The following IHO1 variants were observed in gnomAD, a reference collection of about 807,000 sequenced individuals.
The protein encoded by IHO1 is interactor of HORMAD1 1, also known as interactor of HORMAD1 protein 1.
Under a neutral mutation model 31.0 loss-of-function variants are expected in IHO1, and 13 were observed. That is an observed-to-expected ratio of 0.42 (90% CI 0.27 to 0.67). The LOEUF is 0.67. Among genes scored for constraint, IHO1 ranks in the 30% least tolerant of loss-of-function variants. The pLI is 0.24. For synonymous variants in IHO1, 221 were observed against 248.4 expected (o/e 0.89, Z 1.04); for missense variants, 599 against 687.5 (o/e 0.87, Z 1.44).
intron 2 of IHO1, among the ~76,000 whole-genome samples, chr3:49,227,266 G>C (rs1192466022): frequency 4.6e-5 from 7 of 152,138 alleles, no homozygotes; most frequent in African/African-American, 1.4e-4. Context: ...AGGCCATAGT[G>C]CAGAAAAAAA....
At chr3:49,240,516 A>G (rs1056244914) in intron 3 of IHO1, among the ~76,000 whole-genome samples, 1 of 151,876 alleles carries the variant, frequency 6.6e-6, no homozygotes, top group African/African-American at 2.4e-5. Context: ...GAGCCACCAC[A>G]CCCGACCAAT....
intron 4 of IHO1, among the ~76,000 whole-genome samples, chr3:49,241,896 T>C (rs932932883): frequency 6.6e-6 from 1 of 151,266 alleles, no homozygotes; most frequent in Admixed American, 6.6e-5. Context: ...GCTGGAATTA[T>C]AGGCGTGAGC....
intron 4 of IHO1, among the ~76,000 whole-genome samples, chr3:49,242,319 T>G (rs1216335199): frequency 6.6e-6 from 1 of 151,324 alleles, no homozygotes; most frequent in African/African-American, 2.4e-5. Flanking sequence ...TCAGAGATAG[T>G]GTCTCACTAT....
chr3:49,247,272 C>CAGGCTGGA (rs2046706510), intron 6 of IHO1, among the ~76,000 whole-genome samples: 1 of 151,880 alleles, frequency 6.6e-6, no homozygotes, highest in East Asian at 1.9e-4. Context: ...CTCTGTCACC[C>CAGGCTGGA]AGGCTGGAGT....
intron 6 of IHO1, among the ~76,000 whole-genome samples, chr3:49,254,430 A>G (rs1276241200): frequency 6.6e-6 from 1 of 152,136 alleles, no homozygotes; most frequent in Non-Finnish European, 1.5e-5. Flanking sequence ...AGGGCAATAA[A>G]TGATGGTAGG....
intron 2 of IHO1, among the ~76,000 whole-genome samples, chr3:49,232,458 G>T (rs1423215744): frequency 6.6e-6 from 1 of 152,192 alleles, no homozygotes; most frequent in Non-Finnish European, 1.5e-5. Flanking sequence ...CAAAAAGTTG[G>T]TAAATAGGTA....
intron 2 of IHO1, among the ~76,000 whole-genome samples, chr3:49,233,048 T>C (rs753265212): frequency 2.6e-5 from 4 of 152,160 alleles, no homozygotes; most frequent in Admixed American, 6.5e-5. Flanking sequence ...TTTGGGAAGA[T>C]TGCATTGCAG....
chr3:49,211,149 A>G lies in IHO1; in HGVS notation c.-15-617A>G, dbSNP rs567779568. ...CGGCCTCCTGAGTAGGTGGGACTAC[A>G]GGCACCCACCACCACGCCTGGCTAA... On this transcript the variant is annotated intron_variant, in intron 1 of 7. Coordinates refer to ENST00000452691, the MANE Select transcript of IHO1 (RefSeq NM_001135197.2). Among the ~76,000 whole-genome samples the G allele has an allele frequency of 9.3e-5, 14 of 151,128 alleles. No homozygotes were observed. In the East Asian group the frequency reaches 2.8e-3, roughly 30 times the overall value.
At chr3:49,217,737 T>G (rs1352151808) in intron 2 of IHO1, among the ~76,000 whole-genome samples, 1 of 152,132 alleles carries the variant, frequency 6.6e-6, no homozygotes, top group Non-Finnish European at 1.5e-5. Context: ...CGGTCCCATT[T>G]GTGGGTGATG....
intron 1 of IHO1, among the ~76,000 whole-genome samples, chr3:49,203,100 C>A (rs1464489155): frequency 6.6e-6 from 1 of 152,152 alleles, no homozygotes; most frequent in Non-Finnish European, 1.5e-5. Context: ...CTCCAGAGCT[C>A]AGACAATCCT....
At chr3:49,196,051 CG>C (rs1385407141), upstream of IHO1, among the ~76,000 whole-genome samples, 1 of 150,908 alleles carries the variant, frequency 6.6e-6, no homozygotes, top group Non-Finnish European at 1.5e-5. Context: ...CTGGCTAACA[CG>C]GTAAAACCTC....
chr3:49,205,564 G>T (rs998160242), intron 1 of IHO1, among the ~76,000 whole-genome samples: 1 of 150,910 alleles, frequency 6.6e-6, no homozygotes, highest in Non-Finnish European at 1.5e-5. Context: ...CGAGTGCTGC[G>T]ATTACAGCGT....
intron 6 of IHO1, 77 bp from the exon 7 acceptor site, chr3:49,255,313 G>A: frequency 1.0e-6 from 1 of 983,900 alleles, no homozygotes; most frequent in Non-Finnish European, 1.5e-6. Context: ...TTTCACTGCT[G>A]TGGTTCTGTG....
At chr3:49,200,475 A>AAAAAAAAAAAGAAAGAAAGAAAG (rs1553615439) in intron 1 of IHO1, 1 of 103,858 alleles carries the variant, frequency 9.6e-6, no homozygotes, top group African/African-American at 6.1e-5. Flanking sequence ...AAAAAAAAAA[A>AAAAAAAAAAAGAAAGAAAGAAAG]AAAGAAAGAA....
intron 2 of IHO1, among the ~76,000 whole-genome samples, chr3:49,233,940 G>A (rs2046514113): frequency 6.6e-6 from 1 of 152,106 alleles, no homozygotes; most frequent in Admixed American, 6.5e-5. Context: ...CAGATAACTA[G>A]CCAGAGCCCA....
the IHO1 span, chr3:49,191,704 A>T: frequency 1.3e-6 from 2 of 1,589,996 alleles, no homozygotes; most frequent in Non-Finnish European, 1.7e-6. Flanking sequence ...AGGTACAACC[A>T]GAGGGCCAGG....
chr3:49,220,994 A>G (rs1575572666), intron 2 of IHO1, among the ~76,000 whole-genome samples: 1 of 152,260 alleles, frequency 6.6e-6, no homozygotes, highest in African/African-American at 2.4e-5. Flanking sequence ...CATTTATTCC[A>G]TAATTTGGCC....
At chr3:49,231,821 C>A (rs755528882) in intron 2 of IHO1, among the ~76,000 whole-genome samples, 1 of 152,174 alleles carries the variant, frequency 6.6e-6, no homozygotes, top group Admixed American at 6.5e-5. Flanking sequence ...TGGTCTCAAA[C>A]GCAGATACAG....
upstream of IHO1, among the ~76,000 whole-genome samples, chr3:49,197,162 T>TC (rs2107672490): frequency 6.7e-6 from 1 of 148,942 alleles, no homozygotes; most frequent in Admixed American, 6.7e-5. Context: ...TTTTTTTTTT[T>TC]TGTATTTTTT....
Sources: allele counts gnomAD v4.1 joint callset (sites outside exome capture counted in the v4.1 genomes callset), GRCh38; gene constraint gnomAD v4.1.1; transcripts MANE v1.5; gene names NCBI Gene and HGNC (gene_info 2026-07-23, HGNC 2026-07-21).